ADAMTS14: variants seen among roughly 807,000 people sequenced by gnomAD.
ADAMTS14 encodes A disintegrin and metalloproteinase with thrombospondin motifs 14.
A neutral mutation model predicts 128.6 loss-of-function variants in ADAMTS14; 100 were observed. The observed-to-expected ratio is 0.78, with a 90% CI of 0.66 to 0.92. ADAMTS14 has a LOEUF of 0.92. ADAMTS14 is among the 40% of genes least tolerant of loss of function. ADAMTS14 has a pLI of 0.00. For missense variants in ADAMTS14, 1,562 were observed against 1,658.6 expected, an observed-to-expected ratio of 0.94 and a Z score of 1.01; for synonymous variants, 665 against 653.8, an observed-to-expected ratio of 1.02 and a Z score of -0.26.
intron 4 of ADAMTS14, among the ~76,000 whole-genome samples, chr10:70,715,170 ACCT>A (rs753988976): frequency 3.3e-5 from 5 of 152,110 alleles, no homozygotes; most frequent in Non-Finnish European, 7.4e-5. Flanking sequence ...ATTTCTGACA[ACCT>A]CTTTTCCCAG....
At chr10:70,734,160 C>T (rs61852887) in intron 8 of ADAMTS14, 132 bp downstream of exon 8, 79,983 of 1,231,092 alleles carry the variant, frequency 0.065, 3,997 homozygotes, top group Admixed American at 0.2. Context: ...CTCGCCTCCC[C>T]GCCAAACCTG....
At position 70,672,750 on chromosome 10, in the gene ADAMTS14, G is replaced by A; in HGVS notation, c.-53G>A. The A allele has an allele frequency of 6.8e-7, 1 of 1,476,860 alleles. No individual in the cohort carries two copies. The highest frequency in any genetic ancestry group is 2.9e-5 in the East Asian group (1 of 34,002). The allele number at this position is 1,476,860 out of a possible 1,614,324, so 91.5% of individuals were successfully genotyped here. ...GCGCACCCTAGCCTCGCCGCCCTCA[G>A]CCTGGGACTTGGGGATCGGGCGCTT... On this transcript the variant is annotated 5_prime_UTR_variant, in exon 1 of 22. Coordinates refer to ENST00000373207, the MANE Select transcript of ADAMTS14 (RefSeq NM_080722.4).
intron 2 of ADAMTS14, among the ~76,000 whole-genome samples, chr10:70,690,166 A>G (rs188913340): frequency 6.9e-6 from 1 of 144,116 alleles, no homozygotes; most frequent in African/African-American, 2.4e-5. Context: ...TTACAGAGAC[A>G]TAGGTGAACA....
At position 70,736,748 on chromosome 10, in the gene ADAMTS14, C is replaced by T. The variant is rs766390157; in HGVS notation, c.1554C>T (p.Thr518=). The part of the protein sequence containing the change: ...SHPDNPYFCK[T]KKGPPLDGTE... ...CTGACAACCCGTACTTCTGCAAGAC[C>T]AAGAAGGGGCCCCCGCTGGATGGGA... Residue 518 remains threonine (T), a synonymous_variant, in exon 10 of 22, where the codon ACC becomes ACT. Transcript: ENST00000373207. 17 of 1,613,810 alleles carry T rather than the reference C, an allele frequency of 1.1e-5. No individual in the cohort carries two copies. Among genetic ancestry groups the T allele is most frequent in the Non-Finnish European group, 1.4e-5 (17 of 1,179,806 alleles).
chr10:70,730,342 G>A (rs1589309111), intron 6 of ADAMTS14, 93 bp downstream of exon 6: 3 of 1,476,574 alleles, frequency 2.0e-6, no homozygotes, highest in South Asian at 2.7e-5. Flanking sequence ...TCTCTTCTGG[G>A]GCCCACCACA....
intron 14 of ADAMTS14, among the ~76,000 whole-genome samples, 181 bp from the exon 15 acceptor site, chr10:70,745,045 C>A (rs1842134535): frequency 6.6e-6 from 1 of 152,134 alleles, no homozygotes; most frequent in South Asian, 2.1e-4. Context: ...CTCATTCGAT[C>A]CTCCCAGCAC....
chr10:70,732,224 C>G (rs575790287), intron 6 of ADAMTS14, 30 bp from the exon 7 acceptor site: 14 of 1,580,910 alleles, frequency 8.9e-6, no homozygotes, highest in Middle Eastern at 1.7e-4. Flanking sequence ...CTCCACCTCG[C>G]TCTCCACCTT....
chr10:70,743,270 T>C (rs1480665955), intron 12 of ADAMTS14, among the ~76,000 whole-genome samples: 1 of 152,250 alleles, frequency 6.6e-6, no homozygotes, highest in Non-Finnish European at 1.5e-5. Context: ...TTATTATTAC[T>C]TTATCACTTG....
intron 19 of ADAMTS14, among the ~76,000 whole-genome samples, chr10:70,756,002 A>G (rs1842471714): frequency 1.3e-5 from 2 of 152,256 alleles, no homozygotes; most frequent in South Asian, 4.1e-4. Flanking sequence ...TTGGACAAAA[A>G]TCATGGTCTG....
chr10:70,742,786 G>T (rs1480337627), intron 12 of ADAMTS14, among the ~76,000 whole-genome samples: 1 of 152,176 alleles, frequency 6.6e-6, no homozygotes, highest in African/African-American at 2.4e-5. Context: ...GTTTATATAT[G>T]CTCTGGAACC....
chr10:70,729,351 C>A lies in ADAMTS14; in HGVS notation c.928C>A (p.Arg310Ser), dbSNP rs756083617. 1.9e-5 allele frequency: 31 copies of A among 1,613,718 alleles called. No homozygotes were observed. Among genetic ancestry groups the A allele is most frequent in the Non-Finnish European group, 2.6e-5 (31 of 1,179,954 alleles). The change falls in exon 5 of 22, where the codon CGC becomes AGC. Residue 310 changes from arginine (R) to serine (S), a missense_variant. Arg to Ser is a moderately radical substitution (Grantham distance 110). Coordinates refer to ENST00000373207, the MANE Select transcript of ADAMTS14 (RefSeq NM_080722.4). ...LGVHINIALV[R>S]LIMVGYRQSL... ...GGTTCATATAAATATTGCCCTCGTC[C>A]GCTTGATCATGGTTGGCTACCGACA...
At chr10:70,750,262 C>G (rs1039927090) in intron 16 of ADAMTS14, among the ~76,000 whole-genome samples, 2 of 152,182 alleles carry the variant, frequency 1.3e-5, no homozygotes, top group Admixed American at 6.5e-5. Flanking sequence ...GGAAATGGAG[C>G]CTGGAGGGAG....
intron 3 of ADAMTS14, among the ~76,000 whole-genome samples, chr10:70,705,299 T>C (rs1372966758): frequency 6.6e-6 from 1 of 152,152 alleles, no homozygotes; most frequent in Non-Finnish European, 1.5e-5. Context: ...ATTTAATCCA[T>C]GGTCCTACTC....
chr10:70,739,044 G>A, intron 11 of ADAMTS14, 54 bp downstream of exon 11: 2 of 1,546,812 alleles, frequency 1.3e-6, no homozygotes, highest in African/African-American at 2.7e-5. Flanking sequence ...CCAGGGCGGA[G>A]GGGCTTGGAG....
At chr10:70,700,611 G>A (rs1840465072) in intron 2 of ADAMTS14, among the ~76,000 whole-genome samples, 1 of 152,152 alleles carries the variant, frequency 6.6e-6, no homozygotes, top group Non-Finnish European at 1.5e-5. Flanking sequence ...CTTAGCCCCT[G>A]CCTAGGTGTG....
chr10:70,723,949 C>T (rs1206060567), intron 4 of ADAMTS14, among the ~76,000 whole-genome samples: 1 of 152,208 alleles, frequency 6.6e-6, no homozygotes, highest in African/African-American at 2.4e-5. Flanking sequence ...CTTCTAGCTG[C>T]GTGGCCTTGG....
chr10:70,708,567 C>T, intron 3 of ADAMTS14, 21 bp from the exon 4 acceptor site: 3 of 1,586,618 alleles, frequency 1.9e-6, no homozygotes, highest in Middle Eastern at 1.7e-4. Context: ...GGACCTCACT[C>T]TCTTCCTGTC....
chr10:70,734,959 C>T (rs938767280), intron 8 of ADAMTS14, among the ~76,000 whole-genome samples: 2 of 152,218 alleles, frequency 1.3e-5, no homozygotes, highest in Non-Finnish European at 2.9e-5. Flanking sequence ...GCAAATGGAG[C>T]CCTTCCAGAT....
rs1256180865 is a variant in ADAMTS14, at chr10:70,758,795, A to T, written c.3178+510A>T. On this transcript the variant is annotated intron_variant, in intron 21 of 21. Transcript: ENST00000373207. ...TCCTGTCTGGCTGTCAGCTTCCAGT[A>T]ACAATAGGCCTAGCAATTTCTCTCA... 3.3e-5 allele frequency among the ~76,000 whole-genome samples: 5 copies of T among 152,188 alleles called. No individual in the cohort carries two copies. The East Asian group carries it at 9.6e-4, about 29-fold the overall frequency.
Sources: allele counts gnomAD v4.1 joint callset (sites outside exome capture counted in the v4.1 genomes callset), GRCh38; gene constraint gnomAD v4.1.1; transcripts MANE v1.5; gene names NCBI Gene and HGNC (gene_info 2026-07-23, HGNC 2026-07-21).